Variants in HDAC4 observed in about 807,000 individuals in gnomAD.
HDAC4 encodes the protein histone deacetylase A.
Under a neutral mutation model 135.1 loss-of-function variants are expected in HDAC4, and 16 were observed. The observed-to-expected ratio is 0.12, with a 90% CI of 0.08 to 0.18. The LOEUF (loss-of-function observed/expected upper bound fraction) is 0.18, where lower values mean the gene tolerates loss of function less well. Among genes scored for constraint, HDAC4 ranks in the 10% least tolerant of loss-of-function variants. The pLI is 1.00. For missense variants in HDAC4, 1,143 were observed against 1,511.8 expected (o/e 0.76, Z 4.05); for synonymous variants, 685 against 653.4 (o/e 1.05, Z -0.74).
At chr2:239,215,409 C>T (rs146513807) in intron 3 of HDAC4, among the ~76,000 whole-genome samples, 3 of 152,250 alleles carry the variant, frequency 2.0e-5, no homozygotes, top group East Asian at 1.9e-4. Flanking sequence ...GCAGGGTCGA[C>T]GCCCCAGAAA....
intron 2 of HDAC4, among the ~76,000 whole-genome samples, chr2:239,305,779 T>C (rs2052547456): frequency 6.6e-6 from 1 of 152,212 alleles, no homozygotes; most frequent in Non-Finnish European, 1.5e-5. Context: ...TTGAAATACA[T>C]TTATTTAACA....
intron 24 of HDAC4, among the ~76,000 whole-genome samples, chr2:239,059,150 G>A (rs991652299): frequency 6.6e-6 from 1 of 152,186 alleles, no homozygotes; most frequent in African/African-American, 2.4e-5. Context: ...GAATTAAAAA[G>A]TAATGAAAAG....
At chr2:239,255,337 C>G (rs2125022919) in intron 2 of HDAC4, among the ~76,000 whole-genome samples, 1 of 151,296 alleles carries the variant, frequency 6.6e-6, no homozygotes, top group African/African-American at 2.4e-5. Flanking sequence ...TTCAAAGTCA[C>G]TGTTTAAAAC....
In HDAC4 at chr2:239,190,092, A is replaced by C. The variant is rs2044818976; in HGVS notation, c.95-15T>G. The stretch of plus-strand genomic sequence containing the variant: ...GGCCACATCCACTGTGGGAAAAACA[A>C]GCAGGAGAGCCGGTCACTGCCGCCC... On this transcript the variant is annotated splice_polypyrimidine_tract_variant and intron_variant, in intron 3 of 26. Transcript: ENST00000543185. 10 of 1,591,860 alleles carry C rather than the reference A, an allele frequency of 6.3e-6. No homozygotes were observed. In the East Asian group the frequency reaches 2.3e-4, roughly 37 times the overall value.
Position 239,068,470 on chromosome 2 carries a change from C to A in HDAC4, c.2869+19G>T. Reference sequence around the variant, plus strand: ...ACATGAGCAGAACCGGCTCCTCAGTCATATGCAGAACCACTTACATCTGGC... The same window carrying A: ...ACATGAGCAGAACCGGCTCCTCAGTAATATGCAGAACCACTTACATCTGGC... On this transcript the variant is annotated intron_variant, in intron 23 of 26. Coordinates refer to ENST00000543185, the MANE Select transcript of HDAC4 (RefSeq NM_001378414.1). The surrounding 1 kb of genome is among the most constrained non-coding windows in gnomAD (Gnocchi z 4.4). The A allele has an allele frequency of 6.5e-7, 1 of 1,546,898 alleles. No homozygotes were observed.
In HDAC4 at chr2:239,299,492, AC is replaced by A. The variant is rs2052120447; in HGVS notation, c.22+53185del. Among the ~76,000 whole-genome samples, 1 of 152,068 alleles carries A rather than the reference AC, an allele frequency of 6.6e-6. No individual in the cohort carries two copies. Reference sequence around the variant, plus strand: ...GGTGCCGAAACCAGAAGAGACATGCACACGAGGCAGGGCGAGTGGTGTTTAT... The same window carrying A: ...GGTGCCGAAACCAGAAGAGACATGCAACGAGGCAGGGCGAGTGGTGTTTAT... On this transcript the variant is annotated intron_variant, in intron 2 of 26. Transcript: ENST00000543185. This position sits in a 1 kb window ranked among gnomAD's most constrained non-coding sequence, Gnocchi z 4.0.
At chr2:239,393,213 C>T (rs1474946229) in intron 1 of HDAC4, among the ~76,000 whole-genome samples, 1 of 152,178 alleles carries the variant, frequency 6.6e-6, no homozygotes, top group Non-Finnish European at 1.5e-5. Flanking sequence ...CAAGCATGTG[C>T]CCCAAGGAGG....
intron 1 of HDAC4, among the ~76,000 whole-genome samples, chr2:239,367,657 T>C (rs1159682133): frequency 6.6e-6 from 1 of 152,208 alleles, no homozygotes; most frequent in African/African-American, 2.4e-5. Context: ...TATATGAAAT[T>C]ACCTTCACAT....
intron 22 of HDAC4, among the ~76,000 whole-genome samples, chr2:239,078,388 G>T (rs571929857): frequency 2.1e-5 from 3 of 140,306 alleles, no homozygotes; most frequent in Non-Finnish European, 3.2e-5. Context: ...CTGCCTGGAA[G>T]GCATGCATTG....
chr2:239,237,439 A>G (rs536780801), intron 2 of HDAC4, among the ~76,000 whole-genome samples: 20 of 152,296 alleles, frequency 1.3e-4, no homozygotes, highest in African/African-American at 4.8e-4. Flanking sequence ...AATAATATGC[A>G]TATCATTACA....
chr2:239,062,535 G>C (rs1022558283), intron 24 of HDAC4, among the ~76,000 whole-genome samples: 1 of 152,218 alleles, frequency 6.6e-6, no homozygotes, highest in African/African-American at 2.4e-5. Context: ...TGTTAGAAGC[G>C]CAAACACGCA....
chr2:239,132,354 C>A (rs4629183), intron 11 of HDAC4, among the ~76,000 whole-genome samples: 16,965 of 152,244 alleles, frequency 0.11, 3,104 homozygotes, highest in African/African-American at 0.38. Flanking sequence ...ACACTGGCTC[C>A]GAGGCTCCCT....
Position 239,373,418 on chromosome 2 carries a change from C to T in HDAC4, c.-219-20500G>A, listed in dbSNP as rs562777599. Among the ~76,000 whole-genome samples, 4 of 152,290 alleles carry T rather than the reference C, an allele frequency of 2.6e-5. No individual in the cohort carries two copies. The East Asian group carries it at 7.7e-4, about 29-fold the overall frequency. ...TGAGCGTTCATTTTCTAATGTTGGTCTTTCTCTCCAGTTTGGAAGAGACCT... is the reference window on the plus strand; with the variant it reads ...TGAGCGTTCATTTTCTAATGTTGGTTTTTCTCTCCAGTTTGGAAGAGACCT... On this transcript the variant is annotated intron_variant, in intron 1 of 26. Transcript: ENST00000543185.
intron 2 of HDAC4, among the ~76,000 whole-genome samples, chr2:239,348,864 C>T (rs987034594): frequency 4.6e-5 from 7 of 152,356 alleles, no homozygotes; most frequent in East Asian, 1.9e-4. Context: ...GCAGCTTTGA[C>T]GTCAGAGAAC....
At chr2:239,082,971 C>G (rs545254168) in intron 20 of HDAC4, among the ~76,000 whole-genome samples, 1 of 152,194 alleles carries the variant, frequency 6.6e-6, no homozygotes, top group African/African-American at 2.4e-5. Flanking sequence ...GTTCCCAGCA[C>G]GAGAACTTGC....
At chr2:239,214,836 G>A (rs2046538988) in intron 3 of HDAC4, among the ~76,000 whole-genome samples, 1 of 152,264 alleles carries the variant, frequency 6.6e-6, no homozygotes, top group Non-Finnish European at 1.5e-5. Context: ...TGGCTGACAG[G>A]CCATGCATGG....
intron 2 of HDAC4, among the ~76,000 whole-genome samples, chr2:239,297,665 G>T (rs984582079): frequency 6.6e-6 from 1 of 152,216 alleles, no homozygotes; most frequent in Non-Finnish European, 1.5e-5. Flanking sequence ...GCCCATCACA[G>T]TGCCAAGGAC....
intron 16 of HDAC4, chr2:239,102,509 G>C: frequency 2.1e-6 from 1 of 468,304 alleles, no homozygotes; most frequent in Non-Finnish European, 3.9e-6. Context: ...TTCCTAATCA[G>C]CCTCTCAAAC....
Position 239,146,247 on chromosome 2 carries a change from C to A in HDAC4, c.734-1533G>T, listed in dbSNP as rs537820061. On this transcript the variant is annotated intron_variant, in intron 7 of 26. Coordinates refer to ENST00000543185, the MANE Select transcript of HDAC4 (RefSeq NM_001378414.1). The surrounding 1 kb of genome is among the most constrained non-coding windows in gnomAD (Gnocchi z 4.5). ...AAAGACAAAACAAAACCAAAAAAAACAAGCCAAAAAACCCAACTGATGACT... is the reference window on the plus strand; with the variant it reads ...AAAGACAAAACAAAACCAAAAAAAAAAAGCCAAAAAACCCAACTGATGACT... Among the ~76,000 whole-genome samples, 12 of 152,266 alleles carry A rather than the reference C, an allele frequency of 7.9e-5. No homozygotes were observed. The East Asian group carries it at 1.9e-3, about 25-fold the overall frequency.
Sources: allele counts gnomAD v4.1 joint callset (sites outside exome capture counted in the v4.1 genomes callset), GRCh38; gene constraint gnomAD v4.1.1; non-coding constraint Gnocchi (gnomAD v3.1); transcripts MANE v1.5; gene names NCBI Gene and HGNC (gene_info 2026-07-23, HGNC 2026-07-21).